The following TPO variants were observed in gnomAD, a reference collection of about 807,000 sequenced individuals.
TPO encodes the protein thyroid peroxidase.
Under a neutral mutation model 96.9 loss-of-function variants are expected in TPO, and 78 were observed. The ratio of observed to expected loss-of-function variants is 0.81; its 90% CI spans 0.67 to 0.97. The LOEUF (loss-of-function observed/expected upper bound fraction) is 0.97, where lower values mean the gene tolerates loss of function less well. TPO is among the 50% of genes least tolerant of loss of function. The probability of loss-of-function intolerance (pLI) is 0.00; values close to 1 mark genes in which losing one functional copy is unlikely to be tolerated. For missense variants in TPO, 1,252 were observed against 1,274.8 expected, an observed-to-expected ratio of 0.98 and a Z score of 0.27; for synonymous variants, 547 against 538.0, an observed-to-expected ratio of 1.02 and a Z score of -0.23.
intron 16 of TPO, 142 bp from the exon 17 acceptor site, chr2:1,542,279 A>AG: frequency 8.6e-7 from 1 of 1,165,196 alleles, no homozygotes; most frequent in Non-Finnish European, 1.2e-6. Context: ...CAGCATGACA[A>AG]GCAAGAAGGA....
chr2:1,521,570 T>C (rs1029427944), intron 15 of TPO, among the ~76,000 whole-genome samples: 1 of 152,144 alleles, frequency 6.6e-6, no homozygotes. Context: ...AGTCTGAAGC[T>C]TCTGGTCATC....
intron 7 of TPO, among the ~76,000 whole-genome samples, chr2:1,469,802 A>C (rs774857084): frequency 1.1e-4 from 16 of 152,272 alleles, no homozygotes; most frequent in Non-Finnish European, 2.4e-4. Flanking sequence ...TTGGGCACTC[A>C]CAGTATTTGG....
chr2:1,473,995 A>G (rs1237059914), intron 7 of TPO, among the ~76,000 whole-genome samples: 3 of 152,176 alleles, frequency 2.0e-5, no homozygotes, highest in Non-Finnish European at 4.4e-5. Flanking sequence ...CAGTAGCTTT[A>G]CCAGCTCTTA....
chr2:1,376,294 A>G (rs1661720475), intron 1 of TPO, among the ~76,000 whole-genome samples: 2 of 152,130 alleles, frequency 1.3e-5, no homozygotes, highest in Non-Finnish European at 2.9e-5. Flanking sequence ...AAGCTCCCAC[A>G]TGCGTTGATG....
intron 14 of TPO, among the ~76,000 whole-genome samples, chr2:1,506,950 G>A (rs1374503914): frequency 6.6e-6 from 1 of 151,972 alleles, no homozygotes; most frequent in African/African-American, 2.4e-5. Context: ...TAGACATGAA[G>A]TCCTTGCCCA....
intron 7 of TPO, among the ~76,000 whole-genome samples, chr2:1,460,229 C>A (rs1293689946): frequency 6.6e-6 from 1 of 152,136 alleles, no homozygotes; most frequent in African/African-American, 2.4e-5. Context: ...AGCCACTGTG[C>A]CTGGCCCTAG....
intron 15 of TPO, among the ~76,000 whole-genome samples, chr2:1,529,977 CCTCA>C (rs1203847503): frequency 4.7e-4 from 61 of 129,082 alleles, no homozygotes; most frequent in East Asian, 1.6e-3. Context: ...CGAAAACACC[CCTCA>C]CTGTGTGCAA....
intron 13 of TPO, among the ~76,000 whole-genome samples, chr2:1,498,051 TC>T (rs1672531073): frequency 6.8e-6 from 1 of 147,508 alleles, no homozygotes; most frequent in African/African-American, 2.5e-5. Flanking sequence ...TTGCACAAGG[TC>T]AGTGTGCTCA....
intron 16 of TPO, 45 bp from the exon 17 acceptor site, chr2:1,542,375 CA>C (rs1164616557): frequency 1.9e-6 from 3 of 1,611,154 alleles, no homozygotes; most frequent in Non-Finnish European, 2.5e-6. Context: ...GTTACTGGAG[CA>C]GTCAGAATTC....
chr2:1,535,405 C>T (rs942055249), intron 15 of TPO, among the ~76,000 whole-genome samples: 4 of 59,016 alleles, frequency 6.8e-5, no homozygotes, highest in African/African-American at 1.8e-4. Flanking sequence ...AGCAACCTCC[C>T]CAAATCCCCC....
intron 16 of TPO, chr2:1,542,019 T>C (rs1680819747): frequency 4.1e-6 from 1 of 244,302 alleles, no homozygotes; most frequent in Non-Finnish European, 8.0e-6. Context: ...TTTAAATAGC[T>C]TTTCCAGCCA....
At chr2:1,435,095 G>A (rs1392004235) in intron 4 of TPO, among the ~76,000 whole-genome samples, 5 of 152,104 alleles carry the variant, frequency 3.3e-5, no homozygotes, top group Admixed American at 2.0e-4. Flanking sequence ...CACCACACCC[G>A]GCTAATTTTT....
intron 1 of TPO, among the ~76,000 whole-genome samples, chr2:1,393,583 C>G (rs1276272155): frequency 6.6e-6 from 1 of 152,190 alleles, no homozygotes; most frequent in Non-Finnish European, 1.5e-5. Flanking sequence ...CCGCTGATAG[C>G]AAGCCTACCT....
chr2:1,504,740 A>G (rs908221082), intron 14 of TPO, among the ~76,000 whole-genome samples: 1 of 152,200 alleles, frequency 6.6e-6, no homozygotes, highest in African/African-American at 2.4e-5. Flanking sequence ...AGAAGAGGAT[A>G]CTAGTGATAA....
chr2:1,476,798 C>G (rs1191420080), intron 7 of TPO, among the ~76,000 whole-genome samples: 1 of 151,494 alleles, frequency 6.6e-6, no homozygotes, highest in Non-Finnish European at 1.5e-5. Flanking sequence ...GCGGGGCTGG[C>G]TGGACCGACC....
chr2:1,505,945 T>G (rs919760269), intron 14 of TPO, among the ~76,000 whole-genome samples: 3 of 151,734 alleles, frequency 2.0e-5, no homozygotes, highest in African/African-American at 7.2e-5. Context: ...ATGTGCCATG[T>G]TGGTGTGCTG....
At chr2:1,419,242 C>A (rs529968843) in intron 2 of TPO, among the ~76,000 whole-genome samples, 4 of 152,216 alleles carry the variant, frequency 2.6e-5, no homozygotes, top group Admixed American at 6.5e-5. Flanking sequence ...CCGTGACTCC[C>A]TAGAACTCAG....
At chr2:1,474,492 G>T (rs1309439717) in intron 7 of TPO, among the ~76,000 whole-genome samples, 1 of 152,062 alleles carries the variant, frequency 6.6e-6, no homozygotes, top group Non-Finnish European at 1.5e-5. Flanking sequence ...TCTTTTCCAT[G>T]GCTGAAATAG....
chr2:1,386,641 C>G (rs1661899496), intron 1 of TPO, among the ~76,000 whole-genome samples: 1 of 152,146 alleles, frequency 6.6e-6, no homozygotes, highest in Non-Finnish European at 1.5e-5. Context: ...ATACAGCACA[C>G]TGATGGGTCT....
Sources: gnomAD v4.1 joint callset for allele counts (sites outside exome capture counted in the v4.1 genomes callset) on GRCh38, gnomAD v4.1.1 for gene constraint, MANE v1.5 for transcripts, NCBI Gene and HGNC (gene_info 2026-07-23, HGNC 2026-07-21) for gene names.